Variants in WWOX observed in about 807,000 individuals in gnomAD.
WWOX encodes WW domain-containing oxidoreductase.
WWOX carries 69 observed loss-of-function variants against 46.2 expected under a neutral mutation model. The ratio of observed to expected loss-of-function variants is 1.49; its 90% confidence interval spans 1.23 to 1.82. The LOEUF is 1.82. Ranked by LOEUF, WWOX falls within the 40% of genes most tolerant of loss-of-function variation. The probability of loss-of-function intolerance (pLI) is 0.00; values close to 1 mark genes in which losing one functional copy is unlikely to be tolerated. For synonymous variants in WWOX, 359 were observed against 202.6 expected (o/e 1.77, Z -6.56); for missense variants, 919 against 542.6 (o/e 1.69, Z -6.89).
intron 1 of WWOX, among the ~76,000 whole-genome samples, chr16:78,106,301 A>G (rs902048403): frequency 2.0e-5 from 3 of 151,250 alleles, no homozygotes; most frequent in Non-Finnish European, 4.4e-5. Flanking sequence ...GGTTTATCTG[A>G]TTGCTGTTGC....
chr16:78,303,999 A>G (rs1156452267), intron 5 of WWOX, among the ~76,000 whole-genome samples: 1 of 152,208 alleles, frequency 6.6e-6, no homozygotes, highest in Non-Finnish European at 1.5e-5. Context: ...AAATAGTTTT[A>G]CTAGCCCTGA....
At chr16:78,881,023 C>T (rs1473397527) in intron 8 of WWOX, among the ~76,000 whole-genome samples, 1 of 133,556 alleles carries the variant, frequency 7.5e-6, no homozygotes, top group East Asian at 2.3e-4. Flanking sequence ...GACAAAGTCT[C>T]GCCCTGTTGC....
intron 6 of WWOX, among the ~76,000 whole-genome samples, chr16:78,419,625 C>CAAAAAAAAG (rs2082876459): frequency 4.5e-5 from 2 of 44,692 alleles, no homozygotes; most frequent in African/African-American, 1.5e-4. Flanking sequence ...CAAAAAATAG[C>CAAAAAAAAG]AAAAAAAAAA....
At chr16:78,964,291 G>T (rs2151315631) in intron 8 of WWOX, among the ~76,000 whole-genome samples, 1 of 152,330 alleles carries the variant, frequency 6.6e-6, no homozygotes, top group Admixed American at 6.5e-5. Context: ...GAATGGCTTT[G>T]CCCAAAATGC....
At chr16:78,999,099 C>T (rs2047044936) in intron 8 of WWOX, among the ~76,000 whole-genome samples, 1 of 151,444 alleles carries the variant, frequency 6.6e-6, no homozygotes, top group Admixed American at 6.6e-5. Context: ...CGCAACACAA[C>T]TGCAGAGCCA....
At chr16:78,230,253 TCA>T (rs2037213188) in intron 5 of WWOX, among the ~76,000 whole-genome samples, 1 of 152,192 alleles carries the variant, frequency 6.6e-6, no homozygotes, top group Non-Finnish European at 1.5e-5. Context: ...AACATTTGAA[TCA>T]CAGAGTCACA....
rs143590287 is a variant in WWOX at position 79,008,003 on chromosome 16, G to A, written c.1057-203605G>A. Among the ~76,000 whole-genome samples the A allele has an allele frequency of 6.2e-4, 94 of 152,296 alleles. 1 individual carries two copies. The South Asian group carries it at 0.014, about 23-fold the overall frequency. On this transcript the variant is annotated intron_variant, in intron 8 of 8. Transcript: ENST00000566780. ...ATATTTGTTATCTCATAGCTCCATA[G>A]GTTAAAAGTCCTGGTTCAGGCTGGG...
chr16:78,601,169 C>T (rs890750139), intron 8 of WWOX, among the ~76,000 whole-genome samples: 3 of 152,176 alleles, frequency 2.0e-5, no homozygotes, highest in Non-Finnish European at 4.4e-5. Flanking sequence ...GGCCTCTCTG[C>T]CACTCATATA....
intron 8 of WWOX, among the ~76,000 whole-genome samples, chr16:78,490,162 G>A (rs74030538): frequency 0.012 from 1,836 of 147,764 alleles, 27 homozygotes; most frequent in African/African-American, 0.044. Context: ...TTGTGGTGGC[G>A]TTGGCTTTTA....
At chr16:78,891,622 C>T (rs547614699) in intron 8 of WWOX, 1 of 152,192 alleles carries the variant, frequency 6.6e-6, no homozygotes, top group Admixed American at 6.5e-5. Flanking sequence ...TCAGTTACTG[C>T]AACTTTTTCA....
intron 8 of WWOX, among the ~76,000 whole-genome samples, chr16:78,746,220 G>C (rs2049344187): frequency 6.6e-6 from 1 of 152,220 alleles, no homozygotes; most frequent in Non-Finnish European, 1.5e-5. Flanking sequence ...CAACAGGACT[G>C]AGCATGGTGG....
intron 4 of WWOX, among the ~76,000 whole-genome samples, chr16:78,145,053 G>T (rs1268870679): frequency 6.6e-6 from 1 of 152,090 alleles, no homozygotes; most frequent in Non-Finnish European, 1.5e-5. Flanking sequence ...CACAAATTGG[G>T]TAGCTTAAAC....
chr16:78,133,122 G>A (rs35931521), intron 4 of WWOX, among the ~76,000 whole-genome samples: 5,839 of 152,170 alleles, frequency 0.038, 173 homozygotes, highest in Non-Finnish European at 0.058. Flanking sequence ...TCTACATGCC[G>A]TGTATTACTG....
intron 8 of WWOX, among the ~76,000 whole-genome samples, chr16:79,088,674 G>A (rs1406082038): frequency 1.3e-5 from 2 of 152,140 alleles, no homozygotes; most frequent in Non-Finnish European, 2.9e-5. Context: ...GGCTCCTTCT[G>A]TGGGTACATC....
At position 78,673,159 on chromosome 16, in the gene WWOX, A is replaced by C. The variant is rs139245849; in HGVS notation, c.1056+240407A>C. 3.7e-3 allele frequency among the ~76,000 whole-genome samples: 562 copies of C among 152,304 alleles called. 1 individual carries two copies. Among genetic ancestry groups the C allele is most frequent in the Non-Finnish European group, 5.9e-3 (398 of 68,016 alleles). ...AGGAACAGCTCAAGTCCTCATTCTC[A>C]TTCACGGGAGGCTGCGGCCCTGTGA... On this transcript the variant is annotated intron_variant, in intron 8 of 8. Coordinates refer to ENST00000566780, the MANE Select transcript of WWOX (RefSeq NM_016373.4).
At chr16:78,848,784 G>C (rs112166443) in intron 8 of WWOX, among the ~76,000 whole-genome samples, 2 of 128,000 alleles carry the variant, frequency 1.6e-5, no homozygotes, top group Non-Finnish European at 3.3e-5. Flanking sequence ...ATAGACGGGA[G>C]TTACACAGAG....
chr16:78,493,438 A>G (rs1433826740), intron 8 of WWOX, among the ~76,000 whole-genome samples: 1 of 152,218 alleles, frequency 6.6e-6, no homozygotes, highest in Admixed American at 6.5e-5. Context: ...ACATCAAGCT[A>G]GGTCCACCTG....
chr16:78,113,847 G>A (rs1242710583), intron 3 of WWOX, among the ~76,000 whole-genome samples: 12 of 151,946 alleles, frequency 7.9e-5, no homozygotes, highest in African/African-American at 1.2e-4. Flanking sequence ...GATGAGGATG[G>A]TAATAATTAG....
chr16:78,959,697 AC>A (rs1012984044), intron 8 of WWOX, among the ~76,000 whole-genome samples: 2 of 151,906 alleles, frequency 1.3e-5, no homozygotes, highest in South Asian at 4.2e-4. Context: ...CACTGATGAG[AC>A]CCCCCTGCAA....
Sources: gnomAD v4.1 joint callset for allele counts (sites outside exome capture counted in the v4.1 genomes callset) on GRCh38, gnomAD v4.1.1 for gene constraint, MANE v1.5 for transcripts, NCBI Gene and HGNC (gene_info 2026-07-23, HGNC 2026-07-21) for gene names.